Variants in TDRD3 observed in about 807,000 individuals in gnomAD.
TDRD3 encodes the protein tudor domain-containing protein 3.
In TDRD3, 45 loss-of-function variants were observed where a neutral mutation model predicts 86.7. The observed-to-expected ratio is 0.52, with a 90% CI of 0.41 to 0.67. The LOEUF (loss-of-function observed/expected upper bound fraction) is 0.67, where lower values mean the gene tolerates loss of function less well. Ranked by LOEUF, TDRD3 falls within the 30% of genes least tolerant of loss-of-function variation. The probability of loss-of-function intolerance (pLI) is 0.00; values close to 1 mark genes in which losing one functional copy is unlikely to be tolerated. For missense variants in TDRD3, 814 were observed against 889.0 expected, an observed-to-expected ratio of 0.92 and a Z score of 1.07; for synonymous variants, 298 against 301.7, an observed-to-expected ratio of 0.99 and a Z score of 0.13.
chr13:60,406,605 A>G (rs1954240682), intron 1 of TDRD3, among the ~76,000 whole-genome samples: 1 of 152,190 alleles, frequency 6.6e-6, no homozygotes, highest in African/African-American at 2.4e-5. Flanking sequence ...TTAGAGGAGA[A>G]TTAGCCTTTA....
chr13:60,403,847 T>C (rs570462460), intron 1 of TDRD3, among the ~76,000 whole-genome samples: 2 of 152,306 alleles, frequency 1.3e-5, no homozygotes, highest in South Asian at 4.1e-4. Flanking sequence ...ATAGTGCTCT[T>C]GAATTATAAT....
rs771024705 is a variant in TDRD3, at chr13:60,567,501, A to G, written c.2119-24A>G. 2.9e-5 allele frequency: 47 copies of G among 1,614,092 alleles called. 1 individual carries two copies. The highest frequency in any genetic ancestry group is 3.2e-5 in the Non-Finnish European group (38 of 1,179,994). Reference sequence around the variant, plus strand: ...AAACTTGGAGCCATTTTGAACATGTAAAATCACTACTCTTTGCAAATAGGA... The same window carrying G: ...AAACTTGGAGCCATTTTGAACATGTGAAATCACTACTCTTTGCAAATAGGA... On this transcript the variant is annotated intron_variant, in intron 12 of 13. Coordinates refer to ENST00000377881, the MANE Select transcript of TDRD3 (RefSeq NM_001146070.2).
At chr13:60,468,681 A>G (rs1394403029) in intron 5 of TDRD3, among the ~76,000 whole-genome samples, 1 of 152,206 alleles carries the variant, frequency 6.6e-6, no homozygotes, top group East Asian at 1.9e-4. Flanking sequence ...GATTAGACAG[A>G]TGATGGATCT....
At chr13:60,407,977 G>C (rs1954272898) in intron 1 of TDRD3, among the ~76,000 whole-genome samples, 3 of 152,150 alleles carry the variant, frequency 2.0e-5, no homozygotes, top group Admixed American at 2.0e-4. Context: ...GATCTGATGG[G>C]TTTTTCAGGG....
chr13:60,526,827 A>G (rs546660941), intron 10 of TDRD3, among the ~76,000 whole-genome samples: 1 of 151,694 alleles, frequency 6.6e-6, no homozygotes, highest in African/African-American at 2.4e-5. Context: ...ATTTTTTTGG[A>G]CCACTTTGAG....
chr13:60,505,542 C>T (rs192810594), intron 8 of TDRD3, among the ~76,000 whole-genome samples: 8 of 152,246 alleles, frequency 5.3e-5, no homozygotes, highest in African/African-American at 9.6e-5. Flanking sequence ...TCCTGCCTGC[C>T]GGCTCTGAAG....
chr13:60,441,123 A>C (rs1955257544), intron 2 of TDRD3, among the ~76,000 whole-genome samples: 2 of 152,120 alleles, frequency 1.3e-5, no homozygotes, highest in Non-Finnish European at 2.9e-5. Context: ...AATAATAAGC[A>C]TTAGCTAGAA....
At position 60,510,491 on chromosome 13, in the gene TDRD3, C is replaced by T. The variant is rs1034135334; in HGVS notation, c.1016-139C>T. Reference sequence around the variant, plus strand: ...ATTACTTAAAAACCTAAAAAAATTACTTAAAAGATGTAGACTATACAAAAA... The same window carrying T: ...ATTACTTAAAAACCTAAAAAAATTATTTAAAAGATGTAGACTATACAAAAA... On this transcript the variant is annotated intron_variant, in intron 9 of 13. Coordinates refer to ENST00000377881, the MANE Select transcript of TDRD3 (RefSeq NM_001146070.2). 6.7e-6 allele frequency: 6 copies of T among 892,430 alleles called. No individual in the cohort carries two copies. The South Asian group carries it at 3.1e-4, about 46-fold the overall frequency. 55.3% of individuals were successfully genotyped at this position (892,430 alleles called of 1,614,324 possible). A position where few individuals can be genotyped will look rare whatever the true frequency, so the allele number is the denominator to read the frequency against.
intron 1 of TDRD3, among the ~76,000 whole-genome samples, chr13:60,433,497 A>G (rs1227433852): frequency 6.6e-6 from 1 of 152,216 alleles, no homozygotes. Flanking sequence ...GACCTAAAAG[A>G]TACTTGGTTC....
At chr13:60,495,651 G>T (rs1050736802) in intron 8 of TDRD3, among the ~76,000 whole-genome samples, 2 of 152,072 alleles carry the variant, frequency 1.3e-5, no homozygotes, top group Non-Finnish European at 2.9e-5. Context: ...TTTTAGTAGA[G>T]ACAGGGTTTC....
At chr13:60,482,156 C>T (rs986214167) in intron 5 of TDRD3, among the ~76,000 whole-genome samples, 12 of 152,130 alleles carry the variant, frequency 7.9e-5, no homozygotes, top group African/African-American at 2.9e-4. Context: ...AAGGGAACTC[C>T]TTTGAGGGTT....
intron 12 of TDRD3, 77 bp downstream of exon 12, chr13:60,535,310 T>A: frequency 7.0e-7 from 1 of 1,431,866 alleles, no homozygotes; most frequent in African/African-American, 1.5e-5. Context: ...TAGATAGCCA[T>A]ACAAAATATG....
chr13:60,526,067 A>G (rs1191882562), intron 10 of TDRD3, among the ~76,000 whole-genome samples: 1 of 152,160 alleles, frequency 6.6e-6, no homozygotes, highest in Non-Finnish European at 1.5e-5. Flanking sequence ...TTCATCCTTT[A>G]TCTGTAGTCC....
At chr13:60,572,897 A>G (rs970117160) in intron 13 of TDRD3, among the ~76,000 whole-genome samples, 1 of 152,096 alleles carries the variant, frequency 6.6e-6, no homozygotes, top group Non-Finnish European at 1.5e-5. Context: ...GAACTCCATG[A>G]TGCCAGCAGA....
intron 2 of TDRD3, 131 bp from the exon 3 acceptor site, chr13:60,444,552 T>C (rs1955354951): frequency 1.9e-6 from 1 of 523,226 alleles, no homozygotes; most frequent in African/African-American, 2.0e-5. Flanking sequence ...ATAATACATG[T>C]AGATCTCATG....
At chr13:60,476,358 T>C (rs1455820064) in intron 5 of TDRD3, among the ~76,000 whole-genome samples, 4 of 152,176 alleles carry the variant, frequency 2.6e-5, no homozygotes, top group African/African-American at 9.7e-5. Context: ...TGTAGTTGTA[T>C]CACTTTATTT....
chr13:60,549,408 G>A (rs928720346), intron 12 of TDRD3, among the ~76,000 whole-genome samples: 1 of 152,024 alleles, frequency 6.6e-6, no homozygotes, highest in African/African-American at 2.4e-5. Context: ...GCAAAATTCA[G>A]TATTGGAAAA....
At chr13:60,475,140 G>A (rs552147008) in intron 5 of TDRD3, among the ~76,000 whole-genome samples, 106 of 151,756 alleles carry the variant, frequency 7.0e-4, no homozygotes, top group Non-Finnish European at 1.1e-3. Flanking sequence ...TCTTAACATG[G>A]GTAAATTGTG....
At chr13:60,562,342 A>G (rs1958353525) in intron 12 of TDRD3, among the ~76,000 whole-genome samples, 1 of 151,846 alleles carries the variant, frequency 6.6e-6, no homozygotes, top group African/African-American at 2.4e-5. Flanking sequence ...AAAAAAAAAG[A>G]AAAGAAAAGC....
Sources: allele counts gnomAD v4.1 joint callset (sites outside exome capture counted in the v4.1 genomes callset), GRCh38; gene constraint gnomAD v4.1.1; transcripts MANE v1.5; gene names NCBI Gene and HGNC (gene_info 2026-07-23, HGNC 2026-07-21).